PCDHA6: variants seen among roughly 807,000 people sequenced by gnomAD.
The protein encoded by PCDHA6 is protocadherin alpha-6.
A neutral mutation model predicts 60.3 loss-of-function variants in PCDHA6; 55 were observed. The ratio of observed to expected loss-of-function variants is 0.91; its 90% CI spans 0.73 to 1.14. PCDHA6 has a LOEUF of 1.14. Among genes scored for constraint, PCDHA6 ranks in the 50% most tolerant of loss-of-function variants. The pLI is 0.00. For missense variants in PCDHA6, 1,327 were observed against 1,256.5 expected, an observed-to-expected ratio of 1.06 and a Z score of -0.85; for synonymous variants, 652 against 557.9, an observed-to-expected ratio of 1.17 and a Z score of -2.38.
At chr5:140,911,396 G>C (rs1348303429) in intron 1 of PCDHA6, among the ~76,000 whole-genome samples, 1 of 152,104 alleles carries the variant, frequency 6.6e-6, no homozygotes, top group Non-Finnish European at 1.5e-5. Context: ...TTTCATTGCA[G>C]GTCAGCCACT....
At chr5:140,968,339 A>C in intron 1 of PCDHA6, 1 of 1,614,114 alleles carries the variant, frequency 6.2e-7, no homozygotes, top group Non-Finnish European at 8.5e-7. Flanking sequence ...TGTCTCCATT[A>C]ACAGTGCCAG....
chr5:140,843,178 C>G, intron 1 of PCDHA6: 1 of 1,596,102 alleles, frequency 6.3e-7, no homozygotes, highest in Admixed American at 1.7e-5. Flanking sequence ...GCAGCCCTCG[C>G]ATCCCGTTCC....
intron 1 of PCDHA6, chr5:140,836,596 C>T (rs2150264981): frequency 6.2e-7 from 1 of 1,613,764 alleles, no homozygotes; most frequent in Non-Finnish European, 8.5e-7. Context: ...GTAAAGCCCA[C>T]TCTGGTGTGC....
rs782099262 is a variant in PCDHA6 at position 140,927,918 on chromosome 5, C to A, written c.2395-51031C>A. 3.7e-6 allele frequency: 6 copies of A among 1,614,220 alleles called. No homozygotes were observed. In the South Asian group the frequency reaches 4.4e-5, roughly 12 times the overall value. ...ACGATCATGCCCCCGAACTGGACTT[C>A]CTGACTCTTTCGAACCCAGTACCTG... On this transcript the variant is annotated intron_variant, in intron 1 of 3. Transcript: ENST00000529310.
chr5:140,883,817 G>A, intron 1 of PCDHA6: 1 of 1,612,636 alleles, frequency 6.2e-7, no homozygotes, highest in Non-Finnish European at 8.5e-7. Context: ...GAGCGGCAAG[G>A]TGTACGCGCT....
intron 1 of PCDHA6, among the ~76,000 whole-genome samples, chr5:140,970,314 A>G (rs141905108): frequency 0.01 from 1,597 of 152,320 alleles, 13 homozygotes; most frequent in Middle Eastern, 0.014. Flanking sequence ...AAGTTAAATG[A>G]CAGTACTTCC....
At chr5:140,997,129 C>T (rs983112049) in intron 3 of PCDHA6, among the ~76,000 whole-genome samples, 1 of 152,094 alleles carries the variant, frequency 6.6e-6, no homozygotes, top group Non-Finnish European at 1.5e-5. Flanking sequence ...ATACACAATG[C>T]CCCCACACCC....
At chr5:140,861,662 G>A (rs1396410741) in intron 1 of PCDHA6, 1 of 264,436 alleles carries the variant, frequency 3.8e-6, no homozygotes, top group East Asian at 9.8e-5. Flanking sequence ...TGAAACGAGA[G>A]CTCTTGATTA....
intron 1 of PCDHA6, among the ~76,000 whole-genome samples, chr5:140,916,590 G>A (rs1022726274): frequency 2.0e-5 from 3 of 152,182 alleles, no homozygotes; most frequent in Non-Finnish European, 4.4e-5. Flanking sequence ...CCATGAGCTA[G>A]GGCCTGGAAT....
chr5:140,916,584 G>T (rs1257440146), intron 1 of PCDHA6, among the ~76,000 whole-genome samples: 1 of 152,186 alleles, frequency 6.6e-6, no homozygotes, highest in Non-Finnish European at 1.5e-5. Flanking sequence ...TGTCATCCAT[G>T]AGCTAGGGCC....
chr5:140,836,453 G>T, intron 1 of PCDHA6: 1 of 1,613,854 alleles, frequency 6.2e-7, no homozygotes, highest in Non-Finnish European at 8.5e-7. Flanking sequence ...CAGGCCCAGA[G>T]ACCGAGCTGG....
chr5:140,870,572 C>T (rs782477275), intron 1 of PCDHA6: 1 of 1,613,946 alleles, frequency 6.2e-7, no homozygotes, highest in Non-Finnish European at 8.5e-7. Context: ...GCGCTGGTGT[C>T]CTACTCGCTG....
At chr5:140,933,513 G>A (rs2089204044) in intron 1 of PCDHA6, among the ~76,000 whole-genome samples, 1 of 152,012 alleles carries the variant, frequency 6.6e-6, no homozygotes, top group African/African-American at 2.4e-5. Context: ...AAAGACTACA[G>A]CTGTTTTGTT....
At chr5:140,870,425 C>A (rs531014522) in intron 1 of PCDHA6, 5 of 1,614,190 alleles carry the variant, frequency 3.1e-6, no homozygotes, top group Admixed American at 3.3e-5. Flanking sequence ...GCCAGGGTAT[C>A]CGTGGAGGTG....
chr5:140,928,409 C>A (rs782636217), intron 1 of PCDHA6: 2 of 1,613,912 alleles, frequency 1.2e-6, no homozygotes, highest in Non-Finnish European at 8.5e-7. Context: ...TCCAGTGGGG[C>A]CATCACTGCC....
intron 1 of PCDHA6, among the ~76,000 whole-genome samples, chr5:140,926,178 GC>G (rs1221259064): frequency 6.6e-6 from 1 of 151,700 alleles, no homozygotes; most frequent in South Asian, 2.2e-4. Flanking sequence ...AGCGCGGAAA[GC>G]CCCCCGCAGC....
At chr5:140,866,322 C>G (rs1235184378) in intron 1 of PCDHA6, 1 of 152,052 alleles carries the variant, frequency 6.6e-6, no homozygotes, top group Non-Finnish European at 1.5e-5. Context: ...TTCAGGGACC[C>G]TGAACTTGGC....
chr5:140,965,440 T>C (rs1028835719), intron 1 of PCDHA6, among the ~76,000 whole-genome samples: 42 of 151,984 alleles, frequency 2.8e-4, no homozygotes, highest in Admixed American at 1.3e-4. Context: ...GTCATTGAAA[T>C]TGCTGGTTAT....
chr5:140,861,885 C>G (rs2047123718), intron 1 of PCDHA6: 1 of 155,106 alleles, frequency 6.4e-6, no homozygotes, highest in Non-Finnish European at 1.4e-5. Flanking sequence ...GCTGAGCTGA[C>G]AGGCACCAAA....
Sources: gnomAD v4.1 joint callset for allele counts (sites outside exome capture counted in the v4.1 genomes callset) on GRCh38, gnomAD v4.1.1 for gene constraint, MANE v1.5 for transcripts, NCBI Gene and HGNC (gene_info 2026-07-23, HGNC 2026-07-21) for gene names.